The following GPR143 variants were observed in gnomAD, a reference collection of about 807,000 sequenced individuals.
GPR143 encodes G-protein coupled receptor 143.
A neutral mutation model predicts 27.6 loss-of-function variants in GPR143; 8 were observed. The observed-to-expected ratio is 0.29, with a 90% CI of 0.17 to 0.52. The LOEUF is 0.52. Among genes scored for constraint, GPR143 ranks in the 20% least tolerant of loss-of-function variants. The pLI is 0.96. For missense variants in GPR143, 303 were observed against 343.1 expected (o/e 0.88, Z 0.92); for synonymous variants, 156 against 153.2 (o/e 1.02, Z -0.13).
chrX:9,725,936 T>A (rs1251644191), intron 8 of GPR143, 96 bp from the exon 9 acceptor site: 1 of 1,062,777 alleles, frequency 9.4e-7, no homozygotes, highest in African/African-American at 2.1e-5. Flanking sequence ...ATGGAGTTTT[T>A]CATGGACCAA....
At chrX:9,748,339 C>T (rs767986090) in intron 4 of GPR143, among the ~76,000 whole-genome samples, 9 of 112,653 alleles carry the variant, frequency 8.0e-5, no homozygotes, top group Non-Finnish European at 1.3e-4. Context: ...TGCATGGGTG[C>T]CTATGCACAC....
intron 6 of GPR143, 135 bp downstream of exon 6, chrX:9,743,430 C>G (rs746346006): frequency 4.8e-5 from 24 of 495,336 alleles, no homozygotes; most frequent in African/African-American, 4.8e-4. Context: ...CAAAGGGCAC[C>G]TAGCACAGTC....
At chrX:9,760,277 A>G in intron 2 of GPR143, among the ~76,000 whole-genome samples, 1 of 111,278 alleles carries the variant, frequency 9.0e-6, no homozygotes. Context: ...TTTTTAGTAG[A>G]GACGGGGTTT....
At chrX:9,740,759 T>C (rs1441770866) in intron 7 of GPR143, 5 of 289,960 alleles carry the variant, frequency 1.7e-5, no homozygotes, top group Non-Finnish European at 3.0e-5. Context: ...CTTTCTTTTT[T>C]TTTTTTTTTT....
intron 8 of GPR143, chrX:9,726,062 C>A (rs2083325576): frequency 4.9e-6 from 3 of 608,591 alleles, no homozygotes; most frequent in Non-Finnish European, 5.8e-6. Context: ...TAAATCATTA[C>A]AACGGATGAC....
chrX:9,772,778 C>T (rs1315500687), intron 1 of GPR143, among the ~76,000 whole-genome samples: 1 of 94,970 alleles, frequency 1.1e-5, no homozygotes, highest in Non-Finnish European at 2.0e-5. Flanking sequence ...AGTGTCACTG[C>T]ACTCCAGCCT....
rs767539580 is a variant in GPR143, at chrX:9,732,907, A to G, written c.1120+6578T>C. On this transcript the variant is annotated intron_variant, in intron 8 of 8. Coordinates refer to ENST00000467482, the MANE Select transcript of GPR143 (RefSeq NM_000273.3). The stretch of plus-strand genomic sequence containing the variant: ...AAAAAGAATGGCAAATTCTGAGAGA[A>G]AGAAGAGACGAGTGGGAAAGAAGAA... Among the ~76,000 whole-genome samples, 12 of 110,054 alleles carry G rather than the reference A, an allele frequency of 1.1e-4. No individual in the cohort carries two copies. The East Asian group carries it at 3.1e-3, about 28-fold the overall frequency.
At chrX:9,773,862 C>T (rs755128942) in intron 1 of GPR143, among the ~76,000 whole-genome samples, 4 of 111,160 alleles carry the variant, frequency 3.6e-5, no homozygotes, top group African/African-American at 1.3e-4. Context: ...GAGACCCAGT[C>T]TCATAATAAT....
chrX:9,752,788 G>C (rs753697611), intron 3 of GPR143, among the ~76,000 whole-genome samples: 4 of 111,362 alleles, frequency 3.6e-5, no homozygotes, highest in Non-Finnish European at 7.5e-5. Context: ...GAAGGTTGCA[G>C]TGAGCTGTGA....
At chrX:9,752,858 A>T (rs2083457058) in intron 3 of GPR143, among the ~76,000 whole-genome samples, 1 of 109,670 alleles carries the variant, frequency 9.1e-6, no homozygotes, top group South Asian at 3.9e-4. Flanking sequence ...AAAATAAGAA[A>T]GAAAGAAAAA....
At chrX:9,767,736 G>A (rs1224754009), upstream of GPR143, among the ~76,000 whole-genome samples, 1 of 112,459 alleles carries the variant, frequency 8.9e-6, no homozygotes, top group Non-Finnish European at 1.9e-5. Context: ...TGTAAAAACA[G>A]TCAGAAGCAC....
intron 8 of GPR143, chrX:9,738,132 C>CT (rs2083386716): frequency 8.9e-6 from 1 of 112,321 alleles, no homozygotes; most frequent in African/African-American, 3.2e-5. Flanking sequence ...AGCAGAAGAT[C>CT]TATGCAACAG....
At chrX:9,729,859 G>A (rs2083345500) in intron 8 of GPR143, among the ~76,000 whole-genome samples, 1 of 112,414 alleles carries the variant, frequency 8.9e-6, no homozygotes, top group Admixed American at 9.4e-5. Flanking sequence ...ATGCAGATCT[G>A]AGATTTGGAC....
intron 1 of GPR143, among the ~76,000 whole-genome samples, chrX:9,762,466 C>G (rs1225353779): frequency 9.0e-6 from 1 of 111,637 alleles, no homozygotes; most frequent in Non-Finnish European, 1.9e-5. Flanking sequence ...TGTAGTAGTG[C>G]TCACTGGTAA....
At chrX:9,778,090 CA>C (rs779079645) in intron 1 of GPR143, among the ~76,000 whole-genome samples, 1 of 105,776 alleles carries the variant, frequency 9.5e-6, no homozygotes, top group African/African-American at 3.5e-5. Context: ...GACTCCATCT[CA>C]AAAAAAAAAG....
chrX:9,739,316 G>A lies in GPR143; in HGVS notation c.1120+169C>T, dbSNP rs147205353. 9.8e-3 allele frequency among the ~76,000 whole-genome samples: 1,097 copies of A among 111,786 alleles called. 14 individuals are homozygous for A. The highest frequency in any genetic ancestry group is 0.035 in the African/African-American group (1,064 of 30,735). The stretch of plus-strand genomic sequence containing the variant: ...TTGTCAATGTCTAGAAAGAGTTTTG[G>A]TTGTCACAATTGGGGAGGTGCAACT... On this transcript the variant is annotated intron_variant, in intron 8 of 8. Transcript: ENST00000467482.
At chrX:9,739,142 G>A (rs73194145) in intron 8 of GPR143, among the ~76,000 whole-genome samples, 7,318 of 112,120 alleles carry the variant, frequency 0.065, 248 homozygotes, top group African/African-American at 0.13. Flanking sequence ...ACCCCATCAC[G>A]GGATTGTGTG....
chrX:9,749,977 G>C (rs1569120752), intron 3 of GPR143, among the ~76,000 whole-genome samples: 2 of 111,913 alleles, frequency 1.8e-5, no homozygotes, highest in Non-Finnish European at 3.8e-5. Flanking sequence ...ATGTTGCCAG[G>C]CTGCTCTTGA....
intron 8 of GPR143, among the ~76,000 whole-genome samples, chrX:9,732,070 G>T (rs926462156): frequency 1.8e-5 from 2 of 112,041 alleles, no homozygotes; most frequent in Admixed American, 1.9e-4. Context: ...AATTGTAGGA[G>T]AAATAGAGAA....
Sources: gnomAD v4.1 joint callset for allele counts (sites outside exome capture counted in the v4.1 genomes callset) on GRCh38, gnomAD v4.1.1 for gene constraint, MANE v1.5 for transcripts, NCBI Gene and HGNC (gene_info 2026-07-23, HGNC 2026-07-21) for gene names.